Variants in ADGRL3 observed in about 807,000 individuals in gnomAD.
ADGRL3 encodes adhesion G protein-coupled receptor L3.
ADGRL3 carries 62 observed loss-of-function variants against 153.5 expected under a neutral mutation model. The observed-to-expected ratio is 0.40, with a 90% CI of 0.33 to 0.50. ADGRL3 has a LOEUF of 0.50. Ranked by LOEUF, ADGRL3 falls within the 20% of genes least tolerant of loss-of-function variation. The pLI, the probability that ADGRL3 is intolerant of heterozygous loss-of-function variation, is 0.47. For synonymous variants in ADGRL3, 710 were observed against 672.5 expected (o/e 1.06, Z -0.86); for missense variants, 1,641 against 1,859.4 (o/e 0.88, Z 2.16).
chr4:61,822,334 G>A (rs2097763462), intron 9 of ADGRL3, among the ~76,000 whole-genome samples: 1 of 152,070 alleles, frequency 6.6e-6, no homozygotes, highest in African/African-American at 2.4e-5. Context: ...TATTAAGTAT[G>A]TACCTTGTAT....
At chr4:61,653,750 T>A (rs2094350769) in intron 5 of ADGRL3, among the ~76,000 whole-genome samples, 1 of 152,182 alleles carries the variant, frequency 6.6e-6, no homozygotes, top group Non-Finnish European at 1.5e-5. Flanking sequence ...TTTAGCAAAA[T>A]CTCCAGATTT....
chr4:61,961,426 C>T (rs2098987382), intron 17 of ADGRL3, among the ~76,000 whole-genome samples: 1 of 152,114 alleles, frequency 6.6e-6, no homozygotes, highest in Non-Finnish European at 1.5e-5. Flanking sequence ...CATGATGGCT[C>T]CTGGAACATC....
At chr4:61,395,998 T>A (rs923328563) in intron 2 of ADGRL3, among the ~76,000 whole-genome samples, 56 of 152,098 alleles carry the variant, frequency 3.7e-4, no homozygotes, top group African/African-American at 1.3e-3. Flanking sequence ...AACCAGGTTG[T>A]TTTGTTGTTA....
intron 5 of ADGRL3, among the ~76,000 whole-genome samples, chr4:61,644,434 TA>T: frequency 6.6e-6 from 1 of 152,316 alleles, no homozygotes; most frequent in Admixed American, 6.5e-5. Context: ...TTTAGCGCTA[TA>T]AATTTCCCTA....
At chr4:62,021,601 C>T (rs1309061733) in intron 21 of ADGRL3, among the ~76,000 whole-genome samples, 1 of 152,136 alleles carries the variant, frequency 6.6e-6, no homozygotes, top group Non-Finnish European at 1.5e-5. Flanking sequence ...TGTAGCAACT[C>T]TATTTCAAGC....
intron 19 of ADGRL3, among the ~76,000 whole-genome samples, chr4:61,992,859 T>C (rs1317852181): frequency 6.6e-6 from 1 of 152,226 alleles, no homozygotes; most frequent in Non-Finnish European, 1.5e-5. Flanking sequence ...TGCAAGGCTA[T>C]AATTTTACTT....
intron 8 of ADGRL3, among the ~76,000 whole-genome samples, chr4:61,796,180 G>A (rs1291116524): frequency 6.6e-6 from 1 of 152,122 alleles, no homozygotes. Context: ...ACAATGGACT[G>A]CTTGTGGTCC....
intron 1 of ADGRL3, among the ~76,000 whole-genome samples, chr4:61,320,169 C>T (rs143414453): frequency 5.9e-5 from 9 of 152,238 alleles, no homozygotes; most frequent in Admixed American, 5.9e-4. Flanking sequence ...CTTGGACTTC[C>T]TAGCCTCTAG....
chr4:61,362,409 C>CA (rs2096300520), intron 1 of ADGRL3, among the ~76,000 whole-genome samples: 1 of 151,848 alleles, frequency 6.6e-6, no homozygotes, highest in Non-Finnish European at 1.5e-5. Flanking sequence ...ACCACCCCTC[C>CA]ACCTGTCCCC....
At chr4:61,872,392 C>T (rs978575071) in intron 9 of ADGRL3, among the ~76,000 whole-genome samples, 10 of 139,000 alleles carry the variant, frequency 7.2e-5, no homozygotes, top group Non-Finnish European at 1.2e-4. Flanking sequence ...TTCTTCCTTT[C>T]GCCCTTCCTT....
intron 1 of ADGRL3, among the ~76,000 whole-genome samples, chr4:61,240,498 T>G (rs2149316406): frequency 6.6e-6 from 1 of 152,292 alleles, no homozygotes; most frequent in East Asian, 1.9e-4. Context: ...AACTTTATTT[T>G]TCTTTCAAAT....
At chr4:61,328,653 T>C (rs1291538180) in intron 1 of ADGRL3, among the ~76,000 whole-genome samples, 1 of 152,202 alleles carries the variant, frequency 6.6e-6, no homozygotes. Flanking sequence ...CTATGTCAAA[T>C]GGGGACAAAG....
chr4:61,600,307 CAA>C (rs60557691), intron 5 of ADGRL3, among the ~76,000 whole-genome samples: 15 of 61,770 alleles, frequency 2.4e-4, no homozygotes, highest in African/African-American at 6.7e-4. Flanking sequence ...GGCTGCCTTG[CAA>C]AAAAAAAAAA....
intron 5 of ADGRL3, among the ~76,000 whole-genome samples, chr4:61,614,267 C>CA (rs1261257198): frequency 6.6e-6 from 1 of 152,100 alleles, no homozygotes; most frequent in African/African-American, 2.4e-5. Context: ...AGAATCACCT[C>CA]AAAAAAATTG....
chr4:61,479,171 C>T (rs1359196585), intron 2 of ADGRL3, among the ~76,000 whole-genome samples: 1 of 151,972 alleles, frequency 6.6e-6, no homozygotes, highest in African/African-American at 2.4e-5. Flanking sequence ...GACTCTTCAA[C>T]ATTTTTTTCT....
chr4:61,376,012 G>A (rs1015530713), intron 1 of ADGRL3, among the ~76,000 whole-genome samples: 1 of 152,136 alleles, frequency 6.6e-6, no homozygotes, highest in Non-Finnish European at 1.5e-5. Context: ...TTGAACAAAT[G>A]AACATTGATC....
intron 2 of ADGRL3, among the ~76,000 whole-genome samples, chr4:61,479,341 GC>G (rs1326651438): frequency 6.6e-6 from 1 of 151,844 alleles, no homozygotes; most frequent in Non-Finnish European, 1.5e-5. Context: ...TACACACACC[GC>G]CCCCCATGCA....
intron 4 of ADGRL3, among the ~76,000 whole-genome samples, chr4:61,582,137 T>C (rs1055743489): frequency 6.6e-6 from 1 of 152,078 alleles, no homozygotes; most frequent in Non-Finnish European, 1.5e-5. Flanking sequence ...GATTTTCATC[T>C]CTGCTATATG....
At position 61,200,700 on chromosome 4, in the gene ADGRL3, G is replaced by T. The variant is rs1450205041; in HGVS notation, c.-1305G>T. Among the ~76,000 whole-genome samples, 1 of 152,006 alleles carries T rather than the reference G, an allele frequency of 6.6e-6. No homozygotes were observed. Among genetic ancestry groups the T allele is most frequent in the South Asian group, 2.1e-4 (1 of 4,826 alleles). ...GGTTTGCTTTGGCAGGAGCTCGCTC[G>T]TGTGTGCGCGTGTGTGAGTGTGCGT... is the stretch of plus-strand genomic sequence containing the variant. On this transcript the variant is annotated 5_prime_UTR_variant, in exon 1 of 27. Transcript: ENST00000683033.
Sources: gnomAD v4.1 joint callset for allele counts (sites outside exome capture counted in the v4.1 genomes callset) on GRCh38, gnomAD v4.1.1 for gene constraint, MANE v1.5 for transcripts, NCBI Gene and HGNC (gene_info 2026-07-23, HGNC 2026-07-21) for gene names.